Variants in TXLNB observed in about 807,000 individuals in gnomAD.
TXLNB encodes taxilin beta, also known as beta-taxilin.
Under a neutral mutation model 57.4 loss-of-function variants are expected in TXLNB, and 37 were observed. That is an observed-to-expected ratio of 0.64 (90% CI 0.50 to 0.85). The LOEUF (loss-of-function observed/expected upper bound fraction) is 0.85, where lower values mean the gene tolerates loss of function less well. Ranked by LOEUF, TXLNB falls within the 40% of genes least tolerant of loss-of-function variation. TXLNB has a pLI of 0.00. For missense variants in TXLNB, 848 were observed against 825.6 expected (o/e 1.03, Z -0.33); for synonymous variants, 302 against 309.6 (o/e 0.98, Z 0.26).
At chr6:139,167,541 TTG>T in the TXLNB span, among the ~76,000 whole-genome samples, 1 of 152,168 alleles carries the variant, frequency 6.6e-6, no homozygotes, top group Admixed American at 6.5e-5. Flanking sequence ...GCGGATAATT[TTG>T]TGTGTTCTGT....
chr6:139,224,964 C>T, the TXLNB span, among the ~76,000 whole-genome samples: 3 of 152,070 alleles, frequency 2.0e-5, no homozygotes, highest in African/African-American at 7.2e-5. Flanking sequence ...AAACCAAATC[C>T]AGTAATGTAA....
chr6:139,176,838 T>G, the TXLNB span: 2 of 709,412 alleles, frequency 2.8e-6, no homozygotes, highest in East Asian at 5.4e-5. The surrounding 1 kb of genome is among the most constrained non-coding windows in gnomAD (Gnocchi z 4.5). Context: ...AAGGGATGCT[T>G]TGCAAAGCCC....
upstream of TXLNB, among the ~76,000 whole-genome samples, chr6:139,296,132 C>A (rs1481934075): frequency 6.6e-6 from 1 of 152,124 alleles, no homozygotes; most frequent in Non-Finnish European, 1.5e-5. Context: ...TTCCCTTTAC[C>A]TCTCTCCTGT....
At chr6:139,193,241 C>CTTTTTTTTTTTTTTTT in the TXLNB span, among the ~76,000 whole-genome samples, 2 of 101,212 alleles carry the variant, frequency 2.0e-5, no homozygotes, top group Non-Finnish European at 3.9e-5. Flanking sequence ...CTTTGACCCT[C>CTTTTTTTTTTTTTTTT]TTTTTTTTTT....
chr6:139,215,357 C>G, the TXLNB span, among the ~76,000 whole-genome samples: 173 of 152,222 alleles, frequency 1.1e-3, no homozygotes, highest in African/African-American at 4.0e-3. Context: ...ACAAACCTCA[C>G]AAAAACAAGC....
intron 9 of TXLNB, 57 bp from the exon 10 acceptor site, chr6:139,243,371 A>G: frequency 1.3e-6 from 2 of 1,503,134 alleles, no homozygotes; most frequent in Non-Finnish European, 1.8e-6. Context: ...TGATAAGCAA[A>G]ATGTCCAGGA....
chr6:139,281,149 T>C (rs1478197682), intron 2 of TXLNB, among the ~76,000 whole-genome samples: 2 of 152,214 alleles, frequency 1.3e-5, no homozygotes, highest in African/African-American at 4.8e-5. Context: ...GTGGGTTGAC[T>C]AAATGGATTC....
In TXLNB at chr6:139,260,389, C is replaced by T. The variant is rs1776450904; in HGVS notation, c.931G>A (p.Asp311Asn). Residue 311 changes from aspartate (D) to asparagine (N), a missense_variant, in exon 6 of 10, where the codon GAT (aspartate) becomes AAT (asparagine). Transcript: ENST00000358430. ...TCTTGGGCCTGCTCAAGCTTTGCATCCACCAGCTTCTGCTGCAGTTCTCTG... is the reference window on the plus strand; with the variant it reads ...TCTTGGGCCTGCTCAAGCTTTGCATTCACCAGCTTCTGCTGCAGTTCTCTG... ...KHRELQQKLV[D>N]AKLEQAQEMM... 3 of 1,614,164 alleles carry T rather than the reference C, an allele frequency of 1.9e-6. No homozygotes were observed. The highest frequency in any genetic ancestry group is 4.5e-5 in the East Asian group (2 of 44,888).
chr6:139,171,978 C>A, the TXLNB span, among the ~76,000 whole-genome samples: 1 of 151,928 alleles, frequency 6.6e-6, no homozygotes. Flanking sequence ...CTACAGGCGC[C>A]GCCACCACGC....
chr6:139,279,828 GGC>G (rs763395585), intron 2 of TXLNB, among the ~76,000 whole-genome samples: 3 of 152,156 alleles, frequency 2.0e-5, no homozygotes, highest in Non-Finnish European at 4.4e-5. Flanking sequence ...AAGGCATGTG[GGC>G]ATGTAGCCAC....
the TXLNB span, among the ~76,000 whole-genome samples, chr6:139,184,043 A>G: frequency 6.6e-6 from 1 of 152,186 alleles, no homozygotes; most frequent in Admixed American, 6.5e-5. Context: ...AGAGCTGCAC[A>G]TTGTTGTGGA....
the TXLNB span, among the ~76,000 whole-genome samples, chr6:139,211,415 G>A: frequency 6.6e-6 from 1 of 152,164 alleles, no homozygotes; most frequent in Non-Finnish European, 1.5e-5. Context: ...CTGCAGCTGA[G>A]GATCCTGACT....
the TXLNB span, among the ~76,000 whole-genome samples, chr6:139,167,757 T>C: frequency 3.3e-5 from 5 of 152,208 alleles, no homozygotes; most frequent in Non-Finnish European, 5.9e-5. Context: ...TGAATTAATT[T>C]TGAAGTTTAT....
rs753250842 is a variant in TXLNB, at chr6:139,242,673, T to C, written c.1908A>G (p.Ala636=). The change falls in exon 10 of 10, where the codon GCA becomes GCG. Residue 636 remains alanine (A), a synonymous_variant. Coordinates refer to ENST00000358430, the MANE Select transcript of TXLNB (RefSeq NM_153235.4). ...MEADVPAPAC[A]AEEHVAAMVP... ...CCATGGCTGCAACGTGCTCTTCTGC[T>C]GCGCATGCTGGAGCAGGCACATCTG... is the stretch of plus-strand genomic sequence containing the variant. 13 of 1,611,166 alleles carry C rather than the reference T, an allele frequency of 8.1e-6. No individual in the cohort carries two copies. In the South Asian group the frequency reaches 1.4e-4, roughly 18 times the overall value.
intron 4 of TXLNB, among the ~76,000 whole-genome samples, chr6:139,265,353 A>AT (rs1405954565): frequency 1.3e-5 from 2 of 152,060 alleles, no homozygotes; most frequent in Non-Finnish European, 2.9e-5. Flanking sequence ...TATATGTATG[A>AT]TTTTGTTGAA....
chr6:139,188,594 AC>A, the TXLNB span, among the ~76,000 whole-genome samples: 3 of 152,214 alleles, frequency 2.0e-5, no homozygotes, highest in Non-Finnish European at 2.9e-5. Context: ...ATTTTATTGA[AC>A]TGAAAAATTT....
At position 139,255,605 on chromosome 6, in the gene TXLNB, C is replaced by G; in HGVS notation, c.1036G>C (p.Ala346Pro). The change falls in exon 7 of 10, where the codon GCG becomes CCG. Residue 346 changes from alanine to proline, a missense_variant. Transcript: ENST00000358430. ...LNQAAEWKLQ[A>P]KVLKEQETVL... The stretch of plus-strand genomic sequence containing the variant: ...GTCTCTTGCTCCTTCAGCACTTTCG[C>G]CTGAAGTTTCCACTCTGCTGCCTGG... The G allele has an allele frequency of 1.2e-6, 2 of 1,613,860 alleles. No homozygotes were observed. Among genetic ancestry groups the G allele is most frequent in the Non-Finnish European group, 1.7e-6 (2 of 1,179,886 alleles).
chr6:139,287,609 A>G (rs1338536364), intron 2 of TXLNB, among the ~76,000 whole-genome samples: 1 of 152,162 alleles, frequency 6.6e-6, no homozygotes, highest in African/African-American at 2.4e-5. Flanking sequence ...ATAGAAAACT[A>G]AGGAAGGTGA....
At chr6:139,213,135 C>T in the TXLNB span, among the ~76,000 whole-genome samples, 1 of 152,160 alleles carries the variant, frequency 6.6e-6, no homozygotes, top group African/African-American at 2.4e-5. Flanking sequence ...ACCTAATAGA[C>T]ATCTACAGAA....
Sources: allele counts gnomAD v4.1 joint callset (sites outside exome capture counted in the v4.1 genomes callset), GRCh38; gene constraint gnomAD v4.1.1; non-coding constraint Gnocchi (gnomAD v3.1); transcripts MANE v1.5; gene names NCBI Gene and HGNC (gene_info 2026-07-23, HGNC 2026-07-21).